The following CCDC158 variants were observed in gnomAD, a reference collection of about 807,000 sequenced individuals.
CCDC158 encodes coiled-coil domain containing 158.
In CCDC158, 116 loss-of-function variants were observed where a neutral mutation model predicts 138.6. The ratio of observed to expected loss-of-function variants is 0.84; its 90% CI spans 0.72 to 0.98. The LOEUF is 0.98. Among genes scored for constraint, CCDC158 ranks in the 50% least tolerant of loss-of-function variants. CCDC158 has a pLI of 0.00. For synonymous variants in CCDC158, 436 were observed against 442.4 expected (o/e 0.99, Z 0.18); for missense variants, 1,265 against 1,306.1 (o/e 0.97, Z 0.48).
rs745551156 is a variant in CCDC158, at chr4:76,351,730, A to G, written c.2528T>C (p.Leu843Ser). The change falls in exon 17 of 25, where the codon TTG (leucine) becomes TCG (serine). Residue 843 changes from leucine (L) to serine (S), a missense_variant. Leu to Ser is a moderately radical substitution (Grantham distance 145). Coordinates refer to ENST00000682701, the MANE Select transcript of CCDC158 (RefSeq NM_001394954.1). The part of the protein sequence containing the change: ...ESVRLKLQHT[L>S]DIKELQGPGY... Reference sequence around the variant, plus strand: ...TTATGATGACCTTACTTTTATATCCAAAGTGTGTTGAAGTTTTAAGCGCAC... The same window carrying G: ...TTATGATGACCTTACTTTTATATCCGAAGTGTGTTGAAGTTTTAAGCGCAC... 3.7e-6 allele frequency: 6 copies of G among 1,606,780 alleles called. No homozygotes were observed. In the South Asian group the frequency reaches 6.6e-5, roughly 18 times the overall value.
intron 21 of CCDC158, among the ~76,000 whole-genome samples, chr4:76,329,816 C>G (rs1720863824): frequency 6.6e-6 from 1 of 152,098 alleles, no homozygotes. Flanking sequence ...AACTTTCAGT[C>G]TCTCACAAGT....
intron 13 of CCDC158, among the ~76,000 whole-genome samples, chr4:76,361,855 T>C (rs539351908): frequency 6.6e-6 from 1 of 152,336 alleles, no homozygotes; most frequent in South Asian, 2.1e-4. Flanking sequence ...AAGCCTGGAC[T>C]CTGGACACCT....
At chr4:76,351,145 C>A in intron 17 of CCDC158, 24 bp from the exon 18 acceptor site, 1 of 1,578,384 alleles carries the variant, frequency 6.3e-7, no homozygotes, top group Non-Finnish European at 8.6e-7. Flanking sequence ...TAGAGGTAAG[C>A]AAAATAACTG....
At chr4:76,322,628 G>T (rs1720131877) in intron 24 of CCDC158, among the ~76,000 whole-genome samples, 1 of 152,120 alleles carries the variant, frequency 6.6e-6, no homozygotes, top group South Asian at 2.1e-4. Context: ...GGATAGAAAA[G>T]ATGGCATAAA....
At chr4:76,334,276 G>T in intron 18 of CCDC158, 109 bp from the exon 19 acceptor site, 1 of 1,068,904 alleles carries the variant, frequency 9.4e-7, no homozygotes, top group Non-Finnish European at 1.3e-6. Flanking sequence ...AGCAAGAAGA[G>T]GAAAACAAAA....
intron 18 of CCDC158, among the ~76,000 whole-genome samples, chr4:76,346,310 C>G (rs1722539325): frequency 6.6e-6 from 1 of 152,194 alleles, no homozygotes; most frequent in Non-Finnish European, 1.5e-5. Context: ...CAATACCATT[C>G]AGGACATAGG....
chr4:76,355,102 T>C (rs186385197), intron 15 of CCDC158, among the ~76,000 whole-genome samples: 258 of 152,330 alleles, frequency 1.7e-3, no homozygotes, highest in Non-Finnish European at 2.8e-3. Context: ...ATTCCTTGCC[T>C]CTACCAAGAA....
chr4:76,320,606 G>A (rs1266724370), intron 24 of CCDC158, among the ~76,000 whole-genome samples: 2 of 152,104 alleles, frequency 1.3e-5, no homozygotes. Flanking sequence ...ATAGACCAAT[G>A]GAACAGAATA....
chr4:76,380,709 T>TAAGTA (rs113204772), intron 8 of CCDC158, among the ~76,000 whole-genome samples: 4,050 of 152,156 alleles, frequency 0.027, 175 homozygotes, highest in African/African-American at 0.092. Flanking sequence ...GAAATTTGCA[T>TAAGTA]AAGAAGAGGT....
intron 2 of CCDC158, among the ~76,000 whole-genome samples, chr4:76,409,069 A>C (rs1446389945): frequency 6.6e-6 from 1 of 152,208 alleles, no homozygotes; most frequent in East Asian, 1.9e-4. Flanking sequence ...ATTTGTAAAG[A>C]GGATGCTTAG....
At chr4:76,323,093 AAG>A (rs1247607375) in intron 24 of CCDC158, among the ~76,000 whole-genome samples, 1 of 152,186 alleles carries the variant, frequency 6.6e-6, no homozygotes, top group African/African-American at 2.4e-5. Flanking sequence ...CCCATTAGAT[AAG>A]AGAGTATAGC....
At position 76,355,420 on chromosome 4, in the gene CCDC158, C is replaced by A. The variant is rs1292439689; in HGVS notation, c.2190G>T (p.Met730Ile). The change falls in exon 15 of 25, where the codon ATG (methionine) becomes ATT (isoleucine). Residue 730 changes from methionine (M) to isoleucine (I), a missense_variant. By Grantham distance (10) the Met-to-Ile change is conservative. Transcript: ENST00000682701. The stretch of plus-strand genomic sequence containing the variant: ...TGGCTGTGATTTGCTTTTGCATCCC[C>A]ATTGCCACTTTCATAGCTGGAAAAA... ...GSDGHAMKVA[M>I]GMQKQITAKR... The A allele has an allele frequency of 3.7e-6, 6 of 1,612,664 alleles. No individual in the cohort carries two copies. In the Admixed American group the frequency reaches 1.0e-4, roughly 27 times the overall value.
chr4:76,358,335 A>G lies in CCDC158; in HGVS notation c.2021-809T>C, dbSNP rs888888176. 2.0e-5 allele frequency among the ~76,000 whole-genome samples: 3 copies of G among 152,192 alleles called. No individual in the cohort carries two copies. The East Asian group carries it at 5.8e-4, about 29-fold the overall frequency. On this transcript the variant is annotated intron_variant, in intron 13 of 24. Transcript: ENST00000682701. ...TTCCATTCTCACTGCCACTGCCTTA[A>G]TTCAAGTCCTCATTCTATTTATCTG...
At chr4:76,328,032 C>G (rs1302089498) in intron 22 of CCDC158, among the ~76,000 whole-genome samples, 1 of 151,972 alleles carries the variant, frequency 6.6e-6, no homozygotes, top group Non-Finnish European at 1.5e-5. Context: ...TTTTATTTTT[C>G]ATTTTCTAAA....
intron 1 of CCDC158, among the ~76,000 whole-genome samples, chr4:76,413,431 C>T (rs1457300580): frequency 6.2e-5 from 9 of 144,660 alleles, no homozygotes; most frequent in African/African-American, 2.3e-4. Context: ...GCCGTGATCA[C>T]ACCACTGCAC....
chr4:76,353,506 A>G (rs1342068606), intron 15 of CCDC158, among the ~76,000 whole-genome samples: 1 of 152,202 alleles, frequency 6.6e-6, no homozygotes, highest in Non-Finnish European at 1.5e-5. Context: ...TCTAGTCTTA[A>G]TAAATCTTTG....
At chr4:76,407,677 G>A (rs1323248377) in intron 2 of CCDC158, among the ~76,000 whole-genome samples, 3 of 152,112 alleles carry the variant, frequency 2.0e-5, no homozygotes, top group African/African-American at 4.8e-5. Flanking sequence ...AAGCATAAAG[G>A]AATGAGTAGG....
At chr4:76,348,268 C>CAAAA (rs11453657) in intron 18 of CCDC158, among the ~76,000 whole-genome samples, 2 of 125,954 alleles carry the variant, frequency 1.6e-5, no homozygotes, top group African/African-American at 3.0e-5. Context: ...ACTAAATATA[C>CAAAA]AAAAAAAAAA....
At chr4:76,344,610 G>A in intron 18 of CCDC158, 1 of 1,398,790 alleles carries the variant, frequency 7.1e-7, no homozygotes. Context: ...CATACCTGAT[G>A]TGCTCAGTGA....
Sources: gnomAD v4.1 joint callset for allele counts (sites outside exome capture counted in the v4.1 genomes callset) on GRCh38, gnomAD v4.1.1 for gene constraint, MANE v1.5 for transcripts, NCBI Gene and HGNC (gene_info 2026-07-23, HGNC 2026-07-21) for gene names.